The following LRBA variants were observed in gnomAD, a reference collection of about 807,000 sequenced individuals.
LRBA encodes lipopolysaccharide-responsive and beige-like anchor protein.
Under a neutral mutation model 330.0 loss-of-function variants are expected in LRBA, and 176 were observed. That is an observed-to-expected ratio of 0.53 (90% CI 0.47 to 0.60). The LOEUF (loss-of-function observed/expected upper bound fraction) is 0.60. Among genes scored for constraint, LRBA ranks in the 20% least tolerant of loss-of-function variants. The probability of loss-of-function intolerance (pLI) is 0.00; values close to 1 mark genes in which losing one functional copy is unlikely to be tolerated. For synonymous variants in LRBA, 1,230 were observed against 1,193.0 expected (o/e 1.03, Z -0.64); for missense variants, 3,259 against 3,444.8 (o/e 0.95, Z 1.35).
At chr4:150,987,828 CCT>C (rs1169743045) in intron 2 of LRBA, among the ~76,000 whole-genome samples, 2 of 151,724 alleles carry the variant, frequency 1.3e-5, no homozygotes, top group Non-Finnish European at 2.9e-5. Context: ...ATGGGGAAAC[CCT>C]GTCTCTACTA....
At chr4:150,639,876 GA>G (rs1778500918) in intron 37 of LRBA, among the ~76,000 whole-genome samples, 3 of 86,454 alleles carry the variant, frequency 3.5e-5, no homozygotes, top group Non-Finnish European at 6.7e-5. Context: ...TATATATTTA[GA>G]TGGAGTTTCG....
At chr4:150,528,165 T>C (rs763604025) in intron 40 of LRBA, among the ~76,000 whole-genome samples, 1 of 152,064 alleles carries the variant, frequency 6.6e-6, no homozygotes, top group Non-Finnish European at 1.5e-5. Context: ...TTATTTAGAT[T>C]GTGGTATACC....
At chr4:150,396,938 T>A (rs1001213675) in intron 47 of LRBA, among the ~76,000 whole-genome samples, 1 of 152,216 alleles carries the variant, frequency 6.6e-6, no homozygotes, top group Admixed American at 6.5e-5. Context: ...TTGCCACTTG[T>A]TCCCACTTTC....
At chr4:150,839,961 G>C (rs1019966650) in intron 28 of LRBA, among the ~76,000 whole-genome samples, 10 of 151,300 alleles carry the variant, frequency 6.6e-5, no homozygotes, top group Non-Finnish European at 1.0e-4. Context: ...TTCTTAGCTA[G>C]CTCTTCTGCA....
At chr4:150,392,320 T>C (rs1208826900) in intron 47 of LRBA, among the ~76,000 whole-genome samples, 4 of 152,166 alleles carry the variant, frequency 2.6e-5, no homozygotes, top group Admixed American at 6.5e-5. Flanking sequence ...TACTGGATTG[T>C]AGACAGTGCC....
rs150398007 is a variant in LRBA at position 150,290,430 on chromosome 4, G to C, written c.8018-4396C>G. On this transcript the variant is annotated intron_variant, in intron 53 of 56. Coordinates refer to ENST00000651943, the MANE Select transcript of LRBA (RefSeq NM_001364905.1). ...TCTGAGATAGTAGGATCTCCCAAAG[G>C]CTAGACCATAAAGCAGAACAGATTC... 4.6e-3 allele frequency among the ~76,000 whole-genome samples: 703 copies of C among 152,228 alleles called. 6 individuals are homozygous for C. Among genetic ancestry groups the C allele is most frequent in the Non-Finnish European group, 7.0e-3 (479 of 68,006 alleles).
At chr4:150,691,770 G>A (rs1343830466) in intron 36 of LRBA, among the ~76,000 whole-genome samples, 1 of 152,112 alleles carries the variant, frequency 6.6e-6, no homozygotes, top group African/African-American at 2.4e-5. Flanking sequence ...GGTGCATTTA[G>A]TCATAAAAGT....
chr4:150,942,927 T>A (rs1161060937), intron 2 of LRBA, among the ~76,000 whole-genome samples: 1 of 152,168 alleles, frequency 6.6e-6, no homozygotes, highest in Non-Finnish European at 1.5e-5. Context: ...AACTTTACTA[T>A]CTATACAAAA....
At chr4:150,670,945 T>C (rs1282060553) in intron 37 of LRBA, among the ~76,000 whole-genome samples, 1 of 151,982 alleles carries the variant, frequency 6.6e-6, no homozygotes, top group Admixed American at 6.6e-5. Context: ...TTGGAGCAAT[T>C]ATGCTGTTCA....
chr4:150,938,928 A>C (rs538321653), intron 2 of LRBA, among the ~76,000 whole-genome samples: 3 of 152,208 alleles, frequency 2.0e-5, no homozygotes, highest in Non-Finnish European at 4.4e-5. Context: ...GAAATTAAAA[A>C]ATATATATTA....
intron 44 of LRBA, among the ~76,000 whole-genome samples, chr4:150,442,322 T>G (rs955161542): frequency 6.6e-6 from 1 of 152,150 alleles, no homozygotes; most frequent in Non-Finnish European, 1.5e-5. Flanking sequence ...ACCAAAACAC[T>G]AATAAATAGG....
chr4:150,924,407 G>T, intron 4 of LRBA, among the ~76,000 whole-genome samples: 1 of 152,084 alleles, frequency 6.6e-6, no homozygotes, highest in Non-Finnish European at 1.5e-5. Flanking sequence ...CAGCTGCTTG[G>T]AAAGCTGAGG....
chr4:150,876,578 TAAATTTAGCCAAG>T (rs1432370679), intron 17 of LRBA, among the ~76,000 whole-genome samples: 5 of 152,066 alleles, frequency 3.3e-5, no homozygotes. Context: ...TAAAAGAAAA[TAAATTTAGCCAAG>T]AAATTTCATA....
At chr4:150,449,624 T>G (rs1319449769) in intron 44 of LRBA, among the ~76,000 whole-genome samples, 1 of 151,220 alleles carries the variant, frequency 6.6e-6, no homozygotes, top group African/African-American at 2.4e-5. Flanking sequence ...AGAAAAAACA[T>G]CCACCACCCA....
rs541192676 is a variant in LRBA at position 150,367,733 on chromosome 4, A to G, written c.7195-17574T>C. ...TCAGCATCTAGAATCAAAATGAAGT[A>G]ATTTGCTTATACCCTAAGCTACTTT... On this transcript the variant is annotated intron_variant, in intron 47 of 56. Coordinates refer to ENST00000651943, the MANE Select transcript of LRBA (RefSeq NM_001364905.1). Among the ~76,000 whole-genome samples, 15 of 152,318 alleles carry G rather than the reference A, an allele frequency of 9.8e-5. 1 individual carries two copies. The South Asian group carries it at 3.1e-3, about 32-fold the overall frequency.
intron 40 of LRBA, chr4:150,580,288 C>T (rs1343713872): frequency 7.9e-6 from 1 of 126,954 alleles, no homozygotes; most frequent in Non-Finnish European, 1.8e-5. Flanking sequence ...GCAACAAATC[C>T]GAGATAGTTT....
intron 46 of LRBA, among the ~76,000 whole-genome samples, chr4:150,416,330 TTTCA>T (rs1211352034): frequency 6.6e-6 from 1 of 152,234 alleles, no homozygotes; most frequent in Non-Finnish European, 1.5e-5. Context: ...TTCAGTGGTC[TTTCA>T]GATATCCCCT....
chr4:150,779,504 AAGG>A (rs2126582033), intron 34 of LRBA, among the ~76,000 whole-genome samples: 1 of 152,062 alleles, frequency 6.6e-6, no homozygotes, highest in East Asian at 1.9e-4. Context: ...TTAAGTTGAT[AAGG>A]AGGAGTTCAA....
chr4:150,327,237 A>G (rs868353664), intron 48 of LRBA, among the ~76,000 whole-genome samples: 3 of 151,988 alleles, frequency 2.0e-5, no homozygotes, highest in African/African-American at 4.8e-5. Flanking sequence ...CGGCCTACAT[A>G]GTAAGACCCT....
Sources: allele counts gnomAD v4.1 joint callset (sites outside exome capture counted in the v4.1 genomes callset), GRCh38; gene constraint gnomAD v4.1.1; transcripts MANE v1.5; gene names NCBI Gene and HGNC (gene_info 2026-07-23, HGNC 2026-07-21).